The following PPFIA2 variants were observed in gnomAD, a reference collection of about 807,000 sequenced individuals.
PPFIA2 encodes the protein PPFI scaffold protein A2.
PPFIA2 carries 46 observed loss-of-function variants against 175.5 expected under a neutral mutation model. The ratio of observed to expected loss-of-function variants is 0.26; its 90% confidence interval spans 0.21 to 0.34. The LOEUF (loss-of-function observed/expected upper bound fraction) is 0.34, where lower values mean the gene tolerates loss of function less well. PPFIA2 is among the 10% of genes least tolerant of loss of function. The probability of loss-of-function intolerance (pLI) is 1.00; values close to 1 mark genes in which losing one functional copy is unlikely to be tolerated. For synonymous variants in PPFIA2, 568 were observed against 511.4 expected (o/e 1.11, Z -1.49); for missense variants, 1,179 against 1,506.1 (o/e 0.78, Z 3.60).
rs550584938 is a variant in PPFIA2, at chr12:81,342,154, T to G, written c.2263-946A>C. Among the ~76,000 whole-genome samples, 3 of 152,224 alleles carry G rather than the reference T, an allele frequency of 2.0e-5. No individual in the cohort carries two copies. The South Asian group carries it at 6.2e-4, about 32-fold the overall frequency. On this transcript the variant is annotated intron_variant, in intron 19 of 32. Coordinates refer to ENST00000549396, the MANE Select transcript of PPFIA2 (RefSeq NM_003625.5). ...ACTTTAGTACAGAATCCAGAATGAC[T>G]CAGGATACTATCCATTTTGTCAGAG...
chr12:81,503,217 T>A (rs949750), intron 4 of PPFIA2, among the ~76,000 whole-genome samples: 45,980 of 152,008 alleles, frequency 0.3, 7,361 homozygotes, highest in African/African-American at 0.41. Context: ...CTGATTTTTT[T>A]AAATTTTTTT....
intron 24 of PPFIA2, among the ~76,000 whole-genome samples, chr12:81,294,322 G>A (rs2045864146): frequency 6.6e-6 from 1 of 151,982 alleles, no homozygotes; most frequent in African/African-American, 2.4e-5. Flanking sequence ...AAAAAATGTA[G>A]TCACTTAAGC....
intron 7 of PPFIA2, among the ~76,000 whole-genome samples, chr12:81,407,658 T>C (rs1239287635): frequency 1.3e-5 from 2 of 152,100 alleles, no homozygotes; most frequent in African/African-American, 4.8e-5. Context: ...TTTCCATCCC[T>C]CAAACATATC....
intron 4 of PPFIA2, among the ~76,000 whole-genome samples, chr12:81,642,907 C>A (rs1407857155): frequency 3.5e-5 from 5 of 142,628 alleles, no homozygotes; most frequent in African/African-American, 1.0e-4. Flanking sequence ...GTTATATACA[C>A]ACAAATGTAA....
chr12:81,575,046 G>C (rs2073262234), intron 4 of PPFIA2, among the ~76,000 whole-genome samples: 1 of 151,810 alleles, frequency 6.6e-6, no homozygotes, highest in South Asian at 2.1e-4. Context: ...TGTAGAGGAT[G>C]GTTATATAAT....
chr12:81,375,414 G>C (rs1282791817), intron 10 of PPFIA2, among the ~76,000 whole-genome samples: 3 of 152,090 alleles, frequency 2.0e-5, no homozygotes, highest in African/African-American at 4.8e-5. Context: ...ATTGGCTCTG[G>C]TGTTTAGCAG....
chr12:81,684,855 T>C (rs1398934304), intron 3 of PPFIA2, among the ~76,000 whole-genome samples: 1 of 152,062 alleles, frequency 6.6e-6, no homozygotes, highest in Non-Finnish European at 1.5e-5. Context: ...ATATATTACA[T>C]GGTTTCTAGT....
rs139262514 is a variant in PPFIA2 at position 81,753,456 on chromosome 12, GT to G, written c.249+516del. Among the ~76,000 whole-genome samples the G allele has an allele frequency of 5.9e-3, 862 of 146,162 alleles. 4 individuals carry two copies. The highest frequency in any genetic ancestry group is 0.014 in the African/African-American group (542 of 39,654). ...AAAATAAAAAGAAACCAGTTAAAGTGTTTTTTTTTCCCAAGGGAGAGGATAA... is the reference window on the plus strand; with the variant it reads ...AAAATAAAAAGAAACCAGTTAAAGTGTTTTTTTTCCCAAGGGAGAGGATAA... On this transcript the variant is annotated intron_variant, in intron 3 of 32. Transcript: ENST00000549396.
At chr12:81,317,505 G>C (rs1175155758) in intron 22 of PPFIA2, among the ~76,000 whole-genome samples, 1 of 41,872 alleles carries the variant, frequency 2.4e-5, no homozygotes, top group African/African-American at 7.0e-5. Context: ...CAACAGATTT[G>C]AGAGATTTTT....
intron 4 of PPFIA2, among the ~76,000 whole-genome samples, chr12:81,619,894 T>C (rs1197951725): frequency 6.6e-6 from 1 of 152,026 alleles, no homozygotes; most frequent in Non-Finnish European, 1.5e-5. Context: ...GCGCGGTGGC[T>C]CACGCCTGTA....
intron 4 of PPFIA2, among the ~76,000 whole-genome samples, chr12:81,671,490 A>T (rs2071407648): frequency 6.6e-6 from 1 of 151,940 alleles, no homozygotes; most frequent in Admixed American, 6.6e-5. Flanking sequence ...CCTTTGGAAG[A>T]AAGACTGCAA....
At chr12:81,492,194 C>CA (rs1244762367) in intron 4 of PPFIA2, among the ~76,000 whole-genome samples, 2 of 151,194 alleles carry the variant, frequency 1.3e-5, no homozygotes, top group Non-Finnish European at 2.9e-5. Flanking sequence ...AACATCTGCA[C>CA]AAAAAAACCC....
At chr12:81,633,417 T>C (rs921068150) in intron 4 of PPFIA2, among the ~76,000 whole-genome samples, 2 of 152,020 alleles carry the variant, frequency 1.3e-5, no homozygotes, top group African/African-American at 2.4e-5. Context: ...GTCCCCACCA[T>C]TTAGTTGCTG....
At chr12:81,390,939 G>A (rs2040000780) in intron 8 of PPFIA2, among the ~76,000 whole-genome samples, 1 of 151,366 alleles carries the variant, frequency 6.6e-6, no homozygotes, top group African/African-American at 2.4e-5. Context: ...ATACAATGGT[G>A]TCTCATATGT....
At chr12:81,496,049 C>T (rs2059989971) in intron 4 of PPFIA2, among the ~76,000 whole-genome samples, 1 of 152,098 alleles carries the variant, frequency 6.6e-6, no homozygotes, top group South Asian at 2.1e-4. Flanking sequence ...GATGACAATG[C>T]AGTGTTTTGT....
At chr12:81,433,313 T>C (rs17306116) in intron 7 of PPFIA2, among the ~76,000 whole-genome samples, 13,490 of 152,254 alleles carry the variant, frequency 0.089, 842 homozygotes, top group Middle Eastern at 0.17. Flanking sequence ...AATGCTGTCT[T>C]TTTAGGTTGA....
At chr12:81,571,383 C>T (rs1031178062) in intron 4 of PPFIA2, among the ~76,000 whole-genome samples, 4 of 152,052 alleles carry the variant, frequency 2.6e-5, no homozygotes, top group Non-Finnish European at 5.9e-5. Context: ...TCATATTCAT[C>T]CTACCACCTC....
At chr12:81,595,651 T>C (rs2059165064) in intron 4 of PPFIA2, among the ~76,000 whole-genome samples, 1 of 152,154 alleles carries the variant, frequency 6.6e-6, no homozygotes, top group Non-Finnish European at 1.5e-5. Flanking sequence ...ATGAATGTGT[T>C]TGTCTAAATT....
chr12:81,381,400 T>TTAC (rs1421663332), intron 9 of PPFIA2, among the ~76,000 whole-genome samples: 1 of 152,014 alleles, frequency 6.6e-6, no homozygotes, highest in African/African-American at 2.4e-5. Flanking sequence ...TATCAAGGAG[T>TTAC]TATTTTTAAA....
Sources: gnomAD v4.1 joint callset for allele counts (sites outside exome capture counted in the v4.1 genomes callset) on GRCh38, gnomAD v4.1.1 for gene constraint, MANE v1.5 for transcripts, NCBI Gene and HGNC (gene_info 2026-07-23, HGNC 2026-07-21) for gene names.